The following SDC3 variants were observed in gnomAD, a reference collection of about 807,000 sequenced individuals.
SDC3 encodes syndecan-3.
Under a neutral mutation model 24.4 loss-of-function variants are expected in SDC3, and 13 were observed. The ratio of observed to expected loss-of-function variants is 0.53; its 90% confidence interval spans 0.35 to 0.85. The LOEUF (loss-of-function observed/expected upper bound fraction) is 0.85. Among genes scored for constraint, SDC3 ranks in the 40% least tolerant of loss-of-function variants. SDC3 has a pLI of 0.01. For missense variants in SDC3, 571 were observed against 584.5 expected, an observed-to-expected ratio of 0.98 and a Z score of 0.24; for synonymous variants, 295 against 260.9, an observed-to-expected ratio of 1.13 and a Z score of -1.26.
At chr1:30,904,367 C>T (rs1018928436) in intron 1 of SDC3, among the ~76,000 whole-genome samples, 2 of 152,056 alleles carry the variant, frequency 1.3e-5, no homozygotes, top group Non-Finnish European at 2.9e-5. Context: ...TGGGATGAGC[C>T]CCCCCTCGCT....
chr1:30,882,148 T>C (rs1436716152), intron 1 of SDC3, among the ~76,000 whole-genome samples: 1 of 152,102 alleles, frequency 6.6e-6, no homozygotes, highest in East Asian at 1.9e-4. Flanking sequence ...CCAGCAGACA[T>C]ACATCCCGCC....
At chr1:30,878,387 GGGACCC>G in intron 2 of SDC3, 1 of 473,022 alleles carries the variant, frequency 2.1e-6, no homozygotes, top group Admixed American at 3.4e-5. Context: ...ATGCAGACGT[GGGACCC>G]TGGAGACCTG....
chr1:30,879,738 G>T (rs1639710831), intron 1 of SDC3, among the ~76,000 whole-genome samples: 1 of 152,168 alleles, frequency 6.6e-6, no homozygotes, highest in African/African-American at 2.4e-5. Flanking sequence ...GCCTTTAGCT[G>T]GGAGGAGGGA....
In SDC3 at chr1:30,877,105, G is replaced by A. The variant is rs556133593; in HGVS notation, c.317C>T (p.Ala106Val). 1.1e-5 allele frequency: 17 copies of A among 1,613,918 alleles called. No homozygotes were observed. The highest frequency in any genetic ancestry group is 6.7e-5 in the African/African-American group (5 of 75,014). The change falls in exon 3 of 5, where the codon GCG becomes GTG. Residue 106 changes from alanine (A) to valine (V), a missense_variant. Around this residue, in one of 2 missense-constraint regions of SDC3, gnomAD observed 497 missense variants for 471.6 expected, o/e 1.05. Coordinates refer to ENST00000339394, the MANE Select transcript of SDC3 (RefSeq NM_014654.4). The stretch of plus-strand genomic sequence containing the variant: ...CAGCACCGCAGGTGTGGTGGACACC[G>A]CCAGGGCTACATCTGGGCTGAAGCG... ...AMRFSPDVAL[A>V]VSTTPAVLPT...
chr1:30,876,502 C>CA, intron 3 of SDC3, 50 bp downstream of exon 3: 1 of 1,439,884 alleles, frequency 6.9e-7, no homozygotes, highest in Non-Finnish European at 9.3e-7. Context: ...CATCCCTCCC[C>CA]TGACCCACCC....
intron 2 of SDC3, chr1:30,877,826 T>C (rs1427784164): frequency 6.5e-6 from 1 of 152,746 alleles, no homozygotes; most frequent in East Asian, 1.9e-4. Flanking sequence ...TGTGACCCAA[T>C]ATAAACGGGT....
At chr1:30,881,265 G>GAC (rs199672671) in intron 1 of SDC3, 10 of 150,348 alleles carry the variant, frequency 6.7e-5, no homozygotes, top group Non-Finnish European at 1.5e-4. Context: ...GGTACTCACA[G>GAC]ACACACACAC....
At chr1:30,894,268 GGTGA>G (rs1299794383) in intron 1 of SDC3, among the ~76,000 whole-genome samples, 6 of 133,480 alleles carry the variant, frequency 4.5e-5, no homozygotes, top group African/African-American at 1.1e-4. Flanking sequence ...TGTGTGTGTG[GGTGA>G]GTGTGTGTGG....
intron 4 of SDC3, 76 bp from the exon 5 acceptor site, chr1:30,873,453 C>A: frequency 1.8e-6 from 2 of 1,099,516 alleles, no homozygotes; most frequent in South Asian, 1.4e-5. Context: ...GGGGTGGGGG[C>A]CAGGGTGAGG....
At chr1:30,889,487 C>T (rs1639876421) in intron 1 of SDC3, among the ~76,000 whole-genome samples, 1 of 152,194 alleles carries the variant, frequency 6.6e-6, no homozygotes, top group African/African-American at 2.4e-5. Context: ...CTTGATGCTC[C>T]CTGTCTCCCG....
chr1:30,896,894 C>T (rs1638273387), intron 1 of SDC3, among the ~76,000 whole-genome samples: 2 of 152,092 alleles, frequency 1.3e-5, no homozygotes, highest in Non-Finnish European at 2.9e-5. Flanking sequence ...ACCCGGGAAG[C>T]GGAGGTTGCA....
rs1639567076 is a variant in SDC3, at chr1:30,872,998, C to T, written c.*213G>A. ...AGGGATGAGGGGAACAAGAGATGAG[C>T]TCGTAAGGGCACAGTCTGGGGCAGA... On this transcript the variant is annotated 3_prime_UTR_variant, in exon 5 of 5. Transcript: ENST00000339394. 7.1e-6 allele frequency: 4 copies of T among 566,536 alleles called. No homozygotes were observed. The highest frequency in any genetic ancestry group is 6.9e-5 in the South Asian group (3 of 43,622). 35.1% of individuals were successfully genotyped at this position (566,536 alleles called of 1,614,324 possible).
chr1:30,873,623 C>A (rs905148804), intron 4 of SDC3, among the ~76,000 whole-genome samples: 1 of 152,094 alleles, frequency 6.6e-6, no homozygotes, highest in African/African-American at 2.4e-5. Flanking sequence ...GAGGGGTCAT[C>A]TGAGGGCTTC....
chr1:30,901,650 G>T (rs1638416004), intron 1 of SDC3, among the ~76,000 whole-genome samples: 1 of 151,960 alleles, frequency 6.6e-6, no homozygotes, highest in African/African-American at 2.4e-5. Context: ...TCCTTCTAAG[G>T]GTACCCCCAC....
chr1:30,893,473 C>T (rs908446900), intron 1 of SDC3, among the ~76,000 whole-genome samples: 3 of 152,034 alleles, frequency 2.0e-5, no homozygotes, highest in Non-Finnish European at 4.4e-5. Flanking sequence ...CTATGACAAC[C>T]AAAAATTTCA....
rs1217512266 is a variant in SDC3, at chr1:30,872,236, G to A, written c.*975C>T. 6.6e-6 allele frequency: 1 copy of A among 152,320 alleles called. No individual in the cohort carries two copies. Among genetic ancestry groups the A allele is most frequent in the East Asian group, 1.9e-4 (1 of 5,194 alleles). 9.4% of individuals were successfully genotyped at this position (152,320 alleles called of 1,614,324 possible). On this transcript the variant is annotated 3_prime_UTR_variant, in exon 5 of 5. Transcript: ENST00000339394. ...AGTAAGCCTGAAAGCTGGAGACAATGTGTGTGGTGCCAGAGTGTGGGTGTA... is the reference window on the plus strand; with the variant it reads ...AGTAAGCCTGAAAGCTGGAGACAATATGTGTGGTGCCAGAGTGTGGGTGTA...
In SDC3 at chr1:30,873,304, C is replaced by T. The variant is rs1639573777; in HGVS notation, c.1236G>A (p.Lys412=). 1.9e-6 allele frequency: 3 copies of T among 1,613,000 alleles called. No homozygotes were observed. In the African/African-American group the frequency reaches 4.0e-5, roughly 22 times the overall value. ...FLVTLLIYRM[K]KKDEGSYTLE... is the part of the protein sequence containing the mutation. ...GCGTGTAGCTGCCCTCATCCTTTTT[C>T]TTCATACGATAGATGAGCAGTGTGA... is the stretch of plus-strand genomic sequence containing the variant. The change falls in exon 5 of 5, where the codon AAG becomes AAA. Residue 412 remains lysine, a synonymous_variant. Transcript: ENST00000339394.
rs1027561797 is a variant in SDC3 at position 30,872,399 on chromosome 1, T to A, written c.*812A>T. 7 of 152,438 alleles carry A rather than the reference T, an allele frequency of 4.6e-5. No individual in the cohort carries two copies. Among genetic ancestry groups the A allele is most frequent in the Admixed American group, 2.0e-4 (3 of 15,284 alleles). 9.4% of individuals were successfully genotyped at this position (152,438 alleles called of 1,614,324 possible). A position where few individuals can be genotyped will look rare whatever the true frequency, so the allele number is the denominator to read the frequency against. On this transcript the variant is annotated 3_prime_UTR_variant, in exon 5 of 5. Transcript: ENST00000339394. ...AAGGACGCGTGTGTTCTGTGATATGTCTTGATTGGCTGGGCGGTCAGGATT... is the reference window on the plus strand; with the variant it reads ...AAGGACGCGTGTGTTCTGTGATATGACTTGATTGGCTGGGCGGTCAGGATT...
chr1:30,908,697 C>T lies in SDC3; in HGVS notation c.-111G>A, dbSNP rs1638585668. The T allele has an allele frequency of 6.9e-6, 2 of 290,284 alleles. No homozygotes were observed. The highest frequency in any genetic ancestry group is 1.0e-5 in the Non-Finnish European group (2 of 197,882). 18.0% of individuals were successfully genotyped at this position (290,284 alleles called of 1,614,324 possible). ...GCGCGGCCCGGCGGCTGGACCGACGCGCTCTAGGCTCGCGGGCTCCCGGCT... is the reference window on the plus strand; with the variant it reads ...GCGCGGCCCGGCGGCTGGACCGACGTGCTCTAGGCTCGCGGGCTCCCGGCT... On this transcript the variant is annotated 5_prime_UTR_variant, in exon 1 of 5. Transcript: ENST00000339394.
Sources: gnomAD v4.1 joint callset for allele counts (sites outside exome capture counted in the v4.1 genomes callset) on GRCh38, gnomAD v4.1.1 for gene constraint, gnomAD v4.1.1 regional missense constraint, MANE v1.5 for transcripts, NCBI Gene and HGNC (gene_info 2026-07-23, HGNC 2026-07-21) for gene names.